The following ZNF341 variants were observed in gnomAD, a reference collection of about 807,000 sequenced individuals.
ZNF341 encodes zinc finger protein 341.
ZNF341 carries 52 observed loss-of-function variants against 87.7 expected under a neutral mutation model. The observed-to-expected ratio is 0.59, with a 90% CI of 0.47 to 0.75. The LOEUF (loss-of-function observed/expected upper bound fraction) is 0.75. ZNF341 is among the 30% of genes least tolerant of loss of function. ZNF341 has a pLI of 0.00. For synonymous variants in ZNF341, 459 were observed against 472.7 expected (o/e 0.97, Z 0.38); for missense variants, 977 against 1,145.9 (o/e 0.85, Z 2.13).
intron 5 of ZNF341, among the ~76,000 whole-genome samples, chr20:33,756,870 G>T (rs1031113637): frequency 2.0e-5 from 3 of 152,212 alleles, no homozygotes; most frequent in African/African-American, 7.2e-5. Flanking sequence ...CTGAGACAGA[G>T]AAATTAAAAA....
chr20:33,757,786 C>T (rs1053059673), intron 6 of ZNF341, among the ~76,000 whole-genome samples: 1 of 152,228 alleles, frequency 6.6e-6, no homozygotes, highest in African/African-American at 2.4e-5. Context: ...AACTTAGTCA[C>T]ATGGCCATAC....
chr20:33,782,622 C>T lies in ZNF341; in HGVS notation c.1720-1110C>T, dbSNP rs6119404. Among the ~76,000 whole-genome samples, 3 of 152,152 alleles carry T rather than the reference C, an allele frequency of 2.0e-5. No homozygotes were observed. The East Asian group carries it at 5.8e-4, about 29-fold the overall frequency. On this transcript the variant is annotated intron_variant, in intron 11 of 14. Coordinates refer to ENST00000375200, the MANE Select transcript of ZNF341 (RefSeq NM_001282933.2). The stretch of plus-strand genomic sequence containing the variant: ...GCCAGATGCTGTTCTGAGCATTTCA[C>T]TGGAATTGACTAGAGGATAGGTGTA...
chr20:33,756,762 G>T (rs1424841167), intron 5 of ZNF341, among the ~76,000 whole-genome samples: 1 of 152,210 alleles, frequency 6.6e-6, no homozygotes, highest in African/African-American at 2.4e-5. Context: ...CTCTATGCCA[G>T]TCACTGTTCT....
rs1030033279 is a variant in ZNF341 at position 33,758,704 on chromosome 20, C to G, written c.938-12C>G. On this transcript the variant is annotated splice_polypyrimidine_tract_variant and intron_variant, in intron 6 of 14. Coordinates refer to ENST00000375200, the MANE Select transcript of ZNF341 (RefSeq NM_001282933.2). ...CCAGCCTCATTGTCCCCTCCTTCCA[C>G]TTGTCTTTCAGCTGCAGGGAAGCCA... is the stretch of plus-strand genomic sequence containing the variant. 6.2e-7 allele frequency: 1 copy of G among 1,611,442 alleles called. No homozygotes were observed. The highest frequency in any genetic ancestry group is 8.5e-7 in the Non-Finnish European group (1 of 1,178,614).
intron 2 of ZNF341, 128 bp from the exon 3 acceptor site, chr20:33,744,975 T>G: frequency 1.3e-6 from 1 of 785,308 alleles, no homozygotes. Context: ...CCCCCCAGAT[T>G]GCTGCTTGTG....
At chr20:33,743,258 G>A (rs1260150199) in intron 2 of ZNF341, among the ~76,000 whole-genome samples, 1 of 150,414 alleles carries the variant, frequency 6.6e-6, no homozygotes, top group Non-Finnish European at 1.5e-5. Context: ...TCTCGAACTC[G>A]TGACCCTCAG....
At chr20:33,749,335 C>A (rs966858695) in intron 4 of ZNF341, among the ~76,000 whole-genome samples, 6 of 152,298 alleles carry the variant, frequency 3.9e-5, no homozygotes, top group Middle Eastern at 3.4e-3. Flanking sequence ...CTCTGTTGCC[C>A]AGGCTGGAGT....
chr20:33,740,127 G>A (rs922123003), intron 1 of ZNF341, among the ~76,000 whole-genome samples: 31 of 152,196 alleles, frequency 2.0e-4, no homozygotes, highest in Non-Finnish European at 3.1e-4. Flanking sequence ...GCCACCCAGA[G>A]TGTTGGGATT....
At chr20:33,790,813 G>A (rs897997137) in intron 14 of ZNF341, among the ~76,000 whole-genome samples, 175 bp from the exon 15 acceptor site, 3 of 152,200 alleles carry the variant, frequency 2.0e-5, no homozygotes, top group African/African-American at 7.2e-5. Context: ...TGAGGAGAGC[G>A]AGTGTGGCTG....
chr20:33,777,916 T>C (rs1419175747), intron 10 of ZNF341, among the ~76,000 whole-genome samples: 6 of 152,176 alleles, frequency 3.9e-5, no homozygotes, highest in Non-Finnish European at 8.8e-5. Flanking sequence ...CTGTAGAATG[T>C]CCTCAGTTTG....
At chr20:33,740,773 G>A in intron 1 of ZNF341, 129 bp from the exon 2 acceptor site, 1 of 711,028 alleles carries the variant, frequency 1.4e-6, no homozygotes, top group South Asian at 1.7e-5. Context: ...CTCCCATGGT[G>A]CTGGGATTAC....
intron 10 of ZNF341, 27 bp from the exon 11 acceptor site, chr20:33,781,264 C>G: frequency 1.3e-6 from 2 of 1,592,892 alleles, no homozygotes; most frequent in Non-Finnish European, 1.7e-6. Context: ...TGTTTCCTCC[C>G]TCATCTCTCC....
At chr20:33,749,364 C>T (rs528092931) in intron 4 of ZNF341, among the ~76,000 whole-genome samples, 1 of 152,258 alleles carries the variant, frequency 6.6e-6, no homozygotes, top group African/African-American at 2.4e-5. Flanking sequence ...ACGATCTTGG[C>T]TCACTGCAAC....
chr20:33,782,560 C>G (rs185407494), intron 11 of ZNF341, among the ~76,000 whole-genome samples: 1 of 152,218 alleles, frequency 6.6e-6, no homozygotes. Flanking sequence ...AGTTGTGGTC[C>G]GAGTAAAAGA....
chr20:33,789,024 A>C, intron 13 of ZNF341, 50 bp downstream of exon 13: 16 of 1,205,356 alleles, frequency 1.3e-5, no homozygotes, highest in Non-Finnish European at 1.7e-5. Context: ...CAGATTCTCC[A>C]GGGGTGCTGC....
intron 12 of ZNF341, among the ~76,000 whole-genome samples, chr20:33,784,700 T>C (rs2019818621): frequency 6.6e-6 from 1 of 151,650 alleles, no homozygotes; most frequent in South Asian, 2.1e-4. Context: ...CTGCAACCTC[T>C]GCCTCCCGGG....
At chr20:33,748,566 C>T (rs997872658) in intron 3 of ZNF341, among the ~76,000 whole-genome samples, 3 of 151,862 alleles carry the variant, frequency 2.0e-5, no homozygotes, top group Non-Finnish European at 4.4e-5. Context: ...CAGGGTTTCA[C>T]CATGTTGCCC....
intron 10 of ZNF341, among the ~76,000 whole-genome samples, chr20:33,772,522 T>C (rs2019553632): frequency 6.6e-6 from 1 of 152,132 alleles, no homozygotes. Context: ...TATCACTTGA[T>C]AAAATGCTAT....
intron 1 of ZNF341, among the ~76,000 whole-genome samples, chr20:33,737,622 G>T (rs2018719139): frequency 6.6e-6 from 1 of 152,124 alleles, no homozygotes; most frequent in African/African-American, 2.4e-5. Context: ...TGCCCAGCCA[G>T]ACACTAGGTT....
Sources: gnomAD v4.1 joint callset for allele counts (sites outside exome capture counted in the v4.1 genomes callset) on GRCh38, gnomAD v4.1.1 for gene constraint, MANE v1.5 for transcripts, NCBI Gene and HGNC (gene_info 2026-07-23, HGNC 2026-07-21) for gene names.